Variants in NCOR1 observed in about 807,000 individuals in gnomAD.
The protein encoded by NCOR1 is protein phosphatase 1, regulatory subunit 109.
NCOR1 carries 63 observed loss-of-function variants against 288.1 expected under a neutral mutation model. The ratio of observed to expected loss-of-function variants is 0.22; its 90% CI spans 0.18 to 0.27. The LOEUF (loss-of-function observed/expected upper bound fraction) is 0.27. Ranked by LOEUF, NCOR1 falls within the 10% of genes least tolerant of loss-of-function variation. The pLI is 1.00. For synonymous variants in NCOR1, 1,007 were observed against 1,065.9 expected (o/e 0.94, Z 1.08); for missense variants, 2,397 against 3,019.2 (o/e 0.79, Z 4.83).
At chr17:16,106,954 G>A (rs375424430) in intron 19 of NCOR1, among the ~76,000 whole-genome samples, 9 of 133,932 alleles carry the variant, frequency 6.7e-5, no homozygotes, top group East Asian at 4.4e-4. Flanking sequence ...GTGCAGTGGC[G>A]TGATCTCAGC....
At position 16,080,659 on chromosome 17, in the gene NCOR1, TGAC is replaced by T. The variant is rs765685606; in HGVS notation, c.3243_3245del (p.Ser1082del). The T allele has an allele frequency of 6.2e-6, 10 of 1,614,144 alleles. No homozygotes were observed. Among genetic ancestry groups the T allele is most frequent in the Admixed American group, 1.7e-5 (1 of 60,022 alleles). On this transcript the variant is annotated inframe_deletion, in exon 24 of 46. Transcript: ENST00000268712. ...GCAGTCCAAGAGAGATAGATCCCAC[TGAC>T]GGCTTGGGTGTTTCTTGAGTGTAGG...
At chr17:16,092,693 ATATTTTT>A (rs1216877031) in intron 21 of NCOR1, among the ~76,000 whole-genome samples, 38 of 12,738 alleles carry the variant, frequency 3.0e-3, no homozygotes, top group East Asian at 5.6e-3. Flanking sequence ...ATATATATAT[ATATTTTT>A]TTTTTTTTTT....
chr17:16,157,791 C>CAA, intron 6 of NCOR1, among the ~76,000 whole-genome samples: 3 of 151,440 alleles, frequency 2.0e-5, no homozygotes, highest in Middle Eastern at 6.8e-3. Flanking sequence ...GAGGTAAAAT[C>CAA]AGTTTCCCTC....
At position 16,072,314 on chromosome 17, in the gene NCOR1, T is replaced by G. The variant is rs2152742428; in HGVS notation, c.3812-86A>C. The G allele has an allele frequency of 6.8e-6, 7 of 1,024,546 alleles. No individual in the cohort carries two copies. In the South Asian group the frequency reaches 9.2e-5, roughly 13 times the overall value. The allele number at this position is 1,024,546 out of a possible 1,614,324, so 63.5% of individuals were successfully genotyped here. The stretch of plus-strand genomic sequence containing the variant: ...CTGAATGCTGTTCTTAAAGTCTATG[T>G]TTTTGATAAATGCTCTATGAAGGAA... On this transcript the variant is annotated intron_variant, in intron 28 of 45. Transcript: ENST00000268712.
At chr17:16,146,072 T>C (rs891115846) in intron 10 of NCOR1, among the ~76,000 whole-genome samples, 2 of 152,164 alleles carry the variant, frequency 1.3e-5, no homozygotes, top group Non-Finnish European at 2.9e-5. Context: ...CAAGATGTGC[T>C]TTCTTAAACA....
At chr17:16,040,033 G>A (rs539068947) in intron 43 of NCOR1, 19 of 394,966 alleles carry the variant, frequency 4.8e-5, no homozygotes, top group South Asian at 8.1e-5. Context: ...CAGGTGATCC[G>A]CCCGCCTTGG....
At chr17:16,150,699 T>C (rs2078707093) in intron 8 of NCOR1, among the ~76,000 whole-genome samples, 1 of 150,920 alleles carries the variant, frequency 6.6e-6, no homozygotes, top group African/African-American at 2.4e-5. Context: ...ACTGAGGCTT[T>C]GTGGGAAAAA....
At chr17:16,128,849 T>C (rs1033115974) in intron 14 of NCOR1, among the ~76,000 whole-genome samples, 2 of 152,208 alleles carry the variant, frequency 1.3e-5, no homozygotes, top group Non-Finnish European at 2.9e-5. Flanking sequence ...CCCATCCACA[T>C]TATGCCTCCT....
chr17:16,150,644 T>C (rs1271790785), intron 8 of NCOR1, among the ~76,000 whole-genome samples: 2 of 151,106 alleles, frequency 1.3e-5, no homozygotes, highest in African/African-American at 2.4e-5. Flanking sequence ...ACAGAGCTGC[T>C]CTCCAGACTG....
chr17:16,048,503 G>A (rs1235763730), intron 41 of NCOR1, among the ~76,000 whole-genome samples: 1 of 151,996 alleles, frequency 6.6e-6, no homozygotes, highest in African/African-American at 2.4e-5. Flanking sequence ...TCTATTCAGA[G>A]TCCACAGTGC....
intron 1 of NCOR1, among the ~76,000 whole-genome samples, chr17:16,199,915 C>T (rs1469088436): frequency 2.0e-5 from 3 of 151,980 alleles, no homozygotes. Flanking sequence ...ACAGATAAAC[C>T]CAGAACTAGC....
At chr17:16,104,126 C>T (rs950722252) in intron 19 of NCOR1, among the ~76,000 whole-genome samples, 27 of 152,138 alleles carry the variant, frequency 1.8e-4, no homozygotes, top group African/African-American at 6.3e-4. Flanking sequence ...TGATTTCTGG[C>T]TATTTCTTCC....
intron 22 of NCOR1, chr17:16,091,639 C>T (rs1031103170): frequency 3.1e-5 from 42 of 1,369,534 alleles, no homozygotes; most frequent in Non-Finnish European, 3.8e-5. Context: ...AGAAAATTCA[C>T]ATTAACTAGA....
intron 29 of NCOR1, 97 bp from the exon 30 acceptor site, chr17:16,071,762 T>G: frequency 3.5e-6 from 4 of 1,144,084 alleles, no homozygotes; most frequent in Non-Finnish European, 5.0e-6. Flanking sequence ...TGGTAAATTT[T>G]GTTACATATA....
At chr17:16,098,554 A>C in intron 20 of NCOR1, 58 bp from the exon 21 acceptor site, 3 of 1,482,152 alleles carry the variant, frequency 2.0e-6, no homozygotes, top group Non-Finnish European at 1.8e-6. Flanking sequence ...TCAAACATAT[A>C]ATCACTATAA....
intron 23 of NCOR1, among the ~76,000 whole-genome samples, chr17:16,085,664 T>A (rs962957680): frequency 6.6e-6 from 1 of 152,140 alleles, no homozygotes; most frequent in African/African-American, 2.4e-5. Flanking sequence ...GCAAAACTAA[T>A]CTACAACAAC....
intron 44 of NCOR1, among the ~76,000 whole-genome samples, chr17:16,037,894 A>G (rs1019400298): frequency 7.2e-5 from 11 of 152,312 alleles, no homozygotes; most frequent in Middle Eastern, 6.8e-3. Context: ...GTCATCAGCA[A>G]ATTTTTTCCT....
chr17:16,158,608 G>T, intron 6 of NCOR1, 152 bp downstream of exon 6: 1 of 456,386 alleles, frequency 2.2e-6, no homozygotes, highest in Non-Finnish European at 3.9e-6. Context: ...AAAACACCAA[G>T]CTTCAGTCAG....
rs2061031457 is a variant in NCOR1 at position 16,065,633 on chromosome 17, A to G, written c.4803T>C (p.Tyr1601=). Reference sequence around the variant, plus strand: ...TTGTGTTCTCCATTGCGTAAAGCTGATACTGACTTGGGTAACCTGGAGTTG... The same window carrying G: ...TTGTGTTCTCCATTGCGTAAAGCTGGTACTGACTTGGGTAACCTGGAGTTG... ...LSPTPGYPSQ[Y]QLYAMENTRQ... is the part of the protein sequence containing the mutation. Residue 1601 remains tyrosine (Y), a synonymous_variant, in exon 33 of 46, where the codon TAT becomes TAC. Coordinates refer to ENST00000268712, the MANE Select transcript of NCOR1 (RefSeq NM_006311.4). The G allele has an allele frequency of 6.2e-7, 1 of 1,614,098 alleles. No homozygotes were observed. Among genetic ancestry groups the G allele is most frequent in the African/African-American group, 1.3e-5 (1 of 74,922 alleles).
Sources: allele counts gnomAD v4.1 joint callset (sites outside exome capture counted in the v4.1 genomes callset), GRCh38; gene constraint gnomAD v4.1.1; transcripts MANE v1.5; gene names NCBI Gene and HGNC (gene_info 2026-07-23, HGNC 2026-07-21).